Variants in CDK14 observed in about 807,000 individuals in gnomAD.
The protein encoded by CDK14 is cyclin dependent kinase 14.
A neutral mutation model predicts 60.7 loss-of-function variants in CDK14; 34 were observed. That is an observed-to-expected ratio of 0.56 (90% CI 0.43 to 0.75). The LOEUF is 0.75. CDK14 is among the 30% of genes least tolerant of loss of function. The pLI, the probability that CDK14 is intolerant of heterozygous loss-of-function variation, is 0.00. For synonymous variants in CDK14, 197 were observed against 203.7 expected (o/e 0.97, Z 0.28); for missense variants, 482 against 564.1 (o/e 0.85, Z 1.47).
intron 2 of CDK14, among the ~76,000 whole-genome samples, chr7:90,622,308 C>A (rs1401148285): frequency 6.6e-6 from 1 of 152,068 alleles, no homozygotes; most frequent in African/African-American, 2.4e-5. Flanking sequence ...TTGGAATATT[C>A]TGTGCACATT....
intron 6 of CDK14, among the ~76,000 whole-genome samples, chr7:90,893,388 G>A (rs1421044039): frequency 3.9e-5 from 6 of 152,174 alleles, no homozygotes; most frequent in African/African-American, 7.2e-5. Flanking sequence ...CTAGTCTATA[G>A]GTGGTCCTCT....
chr7:90,823,232 C>T (rs1242742181), intron 5 of CDK14, among the ~76,000 whole-genome samples: 1 of 152,016 alleles, frequency 6.6e-6, no homozygotes, highest in Non-Finnish European at 1.5e-5. Context: ...TCTAACAGAG[C>T]CAAGCTACCA....
intron 6 of CDK14, among the ~76,000 whole-genome samples, chr7:90,896,530 C>A (rs1314135685): frequency 6.6e-6 from 1 of 151,924 alleles, no homozygotes; most frequent in African/African-American, 2.4e-5. Flanking sequence ...TTAATTCTGG[C>A]ATTAAAAAAA....
intron 4 of CDK14, among the ~76,000 whole-genome samples, chr7:90,748,282 G>A (rs989519312): frequency 6.6e-6 from 1 of 152,010 alleles, no homozygotes; most frequent in African/African-American, 2.4e-5. Context: ...TTCATATCGA[G>A]AAACAACTGT....
chr7:90,713,211 G>A (rs1435317245), intron 2 of CDK14, among the ~76,000 whole-genome samples: 1 of 151,946 alleles, frequency 6.6e-6, no homozygotes, highest in Non-Finnish European at 1.5e-5. Flanking sequence ...TTTTCTGAGG[G>A]GACCCTTTTT....
rs775081722 is a variant in CDK14 at position 91,079,459 on chromosome 7, A to G, written c.1133A>G (p.Asn378Ser). Reference protein sequence around the residue: ...PERFTLYSSKNLRQAWNKLSY... With the variant: ...PERFTLYSSKSLRQAWNKLSY... Reference sequence around the variant, plus strand: ...CGCTTTACCCTGTACAGCTCTAAAAACCTTAGACAAGCATGGAATAAGTAA... The same window carrying G: ...CGCTTTACCCTGTACAGCTCTAAAAGCCTTAGACAAGCATGGAATAAGTAA... The change falls in exon 12 of 15, where the codon AAC becomes AGC. Residue 378 changes from asparagine to serine, a missense_variant. Transcript: ENST00000380050. 19 of 1,602,924 alleles carry G rather than the reference A, an allele frequency of 1.2e-5. 1 individual carries two copies. In the South Asian group the frequency reaches 2.0e-4, roughly 17 times the overall value.
rs914856262 is a variant in CDK14 at position 90,848,329 on chromosome 7, G to A, written c.545-14846G>A. Among the ~76,000 whole-genome samples the A allele has an allele frequency of 4.6e-5, 7 of 152,164 alleles. 1 individual carries two copies. In the South Asian group the frequency reaches 1.0e-3, roughly 23 times the overall value. ...CAGGCTTACCTCAAGTGATTTGCCC[G>A]CCTTGGCCTCCCAAAGTGCTGGGAT... On this transcript the variant is annotated intron_variant, in intron 5 of 14. Transcript: ENST00000380050.
chr7:91,090,996 T>TTGTG (rs4015335), intron 12 of CDK14, among the ~76,000 whole-genome samples: 6 of 150,268 alleles, frequency 4.0e-5, no homozygotes, highest in Admixed American at 6.7e-5. Flanking sequence ...TTGGTTTTGT[T>TTGTG]TGTGTGTGTG....
chr7:90,935,387 T>G (rs904275957), intron 8 of CDK14, among the ~76,000 whole-genome samples: 1 of 152,206 alleles, frequency 6.6e-6, no homozygotes, highest in African/African-American at 2.4e-5. Flanking sequence ...ATGGCAAATT[T>G]TAATGCTATC....
chr7:90,841,220 A>C (rs1020511831), intron 5 of CDK14, among the ~76,000 whole-genome samples: 2 of 152,180 alleles, frequency 1.3e-5, no homozygotes, highest in African/African-American at 2.4e-5. Context: ...TCTATGTCTT[A>C]TTGTAATGGT....
chr7:91,028,367 A>G (rs554197053), intron 10 of CDK14, among the ~76,000 whole-genome samples: 1 of 152,264 alleles, frequency 6.6e-6, no homozygotes, highest in East Asian at 1.9e-4. Flanking sequence ...CATATATTGC[A>G]TATTGCATAG....
At chr7:91,106,832 G>T (rs1031582585) in intron 12 of CDK14, among the ~76,000 whole-genome samples, 1 of 152,318 alleles carries the variant, frequency 6.6e-6, no homozygotes, top group East Asian at 1.9e-4. Context: ...ACTGCTAGCT[G>T]CAGGTTGGGC....
intron 2 of CDK14, among the ~76,000 whole-genome samples, chr7:90,638,048 G>A (rs1800202355): frequency 6.7e-6 from 1 of 149,690 alleles, no homozygotes; most frequent in Non-Finnish European, 1.5e-5. Context: ...TGGGTTTCCT[G>A]AATACAACAC....
chr7:91,124,711 C>T (rs1223065340), intron 14 of CDK14, among the ~76,000 whole-genome samples: 1 of 152,010 alleles, frequency 6.6e-6, no homozygotes, highest in Admixed American at 6.6e-5. Context: ...TCTTAAAACC[C>T]AAATTAATTT....
chr7:90,717,181 A>C (rs911399031), intron 2 of CDK14, among the ~76,000 whole-genome samples: 2 of 152,106 alleles, frequency 1.3e-5, no homozygotes, highest in African/African-American at 4.8e-5. Flanking sequence ...ATAGGCATCA[A>C]AATGAAGAAG....
intron 2 of CDK14, among the ~76,000 whole-genome samples, chr7:90,706,435 A>G (rs531565784): frequency 6.6e-6 from 1 of 152,276 alleles, no homozygotes; most frequent in African/African-American, 2.4e-5. Context: ...CTGTTTATTT[A>G]TTCAGCAAGT....
intron 2 of CDK14, among the ~76,000 whole-genome samples, chr7:90,611,711 C>T (rs1166672858): frequency 6.6e-6 from 1 of 152,200 alleles, no homozygotes; most frequent in Non-Finnish European, 1.5e-5. Flanking sequence ...TTTGCCGATC[C>T]CCTGCTTACT....
intron 9 of CDK14, among the ~76,000 whole-genome samples, chr7:90,976,304 C>T (rs967217052): frequency 3.3e-5 from 5 of 151,968 alleles, no homozygotes; most frequent in Non-Finnish European, 5.9e-5. Context: ...TGTTTCTTGG[C>T]CATTTGTGTG....
chr7:91,160,683 T>C (rs1366420772), intron 14 of CDK14, among the ~76,000 whole-genome samples: 1 of 152,084 alleles, frequency 6.6e-6, no homozygotes, highest in Admixed American at 6.5e-5. Flanking sequence ...ATTTTCTTTC[T>C]CTGTTTCAAA....
Sources: allele counts gnomAD v4.1 joint callset (sites outside exome capture counted in the v4.1 genomes callset), GRCh38; gene constraint gnomAD v4.1.1; transcripts MANE v1.5; gene names NCBI Gene and HGNC (gene_info 2026-07-23, HGNC 2026-07-21).